The following MED13 variants were observed in gnomAD, a reference collection of about 807,000 sequenced individuals.
MED13 encodes the protein mediator of RNA polymerase II transcription subunit 13.
Under a neutral mutation model 225.2 loss-of-function variants are expected in MED13, and 23 were observed. The ratio of observed to expected loss-of-function variants is 0.10; its 90% CI spans 0.07 to 0.14. The LOEUF is 0.14. Among genes scored for constraint, MED13 ranks in the 10% least tolerant of loss-of-function variants. The pLI, the probability that MED13 is intolerant of heterozygous loss-of-function variation, is 1.00. For missense variants in MED13, 2,197 were observed against 2,594.5 expected, an observed-to-expected ratio of 0.85 and a Z score of 3.33; for synonymous variants, 942 against 889.2, an observed-to-expected ratio of 1.06 and a Z score of -1.06.
intron 17 of MED13, among the ~76,000 whole-genome samples, chr17:61,972,148 A>G (rs1055725592): frequency 6.6e-6 from 1 of 152,190 alleles, no homozygotes; most frequent in African/African-American, 2.4e-5. Flanking sequence ...CATTCCAAAT[A>G]TATCTGAAAA....
chr17:61,960,939 A>G lies in MED13; in HGVS notation c.5408T>C (p.Ile1803Thr). The G allele has an allele frequency of 6.2e-7, 1 of 1,613,910 alleles. No homozygotes were observed. The highest frequency in any genetic ancestry group is 8.5e-7 in the Non-Finnish European group (1 of 1,179,944). The change falls in exon 23 of 30, where the codon ATT becomes ACT. Residue 1803 changes from isoleucine to threonine, a missense_variant. By Grantham distance (89) the Ile-to-Thr change is moderately conservative. Around this residue, in one of 12 missense-constraint regions of MED13, gnomAD observed 78 missense variants for 82.1 expected, o/e 0.95. Transcript: ENST00000397786. The part of the protein sequence containing the change: ...GYCLSHDQRW[I>T]LASCTDLYGE... ...ATATAGATCTGTGCAAGATGCAAGA[A>G]TCCACCTTTGATCATGTGATAAACA... is the stretch of plus-strand genomic sequence containing the variant.
chr17:61,959,945 C>T (rs760052504), intron 23 of MED13, among the ~76,000 whole-genome samples: 7 of 151,838 alleles, frequency 4.6e-5, no homozygotes, highest in Non-Finnish European at 1.0e-4. Flanking sequence ...AGGCTGGTCT[C>T]GAACTCCTGG....
intron 8 of MED13, among the ~76,000 whole-genome samples, chr17:62,016,171 A>C (rs987624389): frequency 5.1e-4 from 74 of 144,108 alleles, no homozygotes; most frequent in African/African-American, 1.9e-3. Flanking sequence ...AAAACCAAGA[A>C]CAACAACAAA....
intron 14 of MED13, 26 bp from the exon 15 acceptor site, chr17:61,984,393 C>A: frequency 6.8e-7 from 1 of 1,478,356 alleles, no homozygotes; most frequent in South Asian, 1.4e-5. Flanking sequence ...GGTAGGTTTT[C>A]AGTATCTTAT....
At position 61,964,313 on chromosome 17, in the gene MED13, C is replaced by G. The variant is rs183843424; in HGVS notation, c.4844+693G>C. Among the ~76,000 whole-genome samples, 140 of 152,324 alleles carry G rather than the reference C, an allele frequency of 9.2e-4. 1 individual carries two copies. The highest frequency in any genetic ancestry group is 1.6e-3 in the Non-Finnish European group (107 of 68,022). On this transcript the variant is annotated intron_variant, in intron 20 of 29. Transcript: ENST00000397786. ...CTAGGCCGGGTGCGATAGCTCATGCCTGTAATCCCAGCACTTTGGGAGGCT... is the reference window on the plus strand; with the variant it reads ...CTAGGCCGGGTGCGATAGCTCATGCGTGTAATCCCAGCACTTTGGGAGGCT...
intron 8 of MED13, among the ~76,000 whole-genome samples, chr17:62,018,858 G>T (rs938600223): frequency 1.3e-5 from 2 of 152,160 alleles, no homozygotes; most frequent in Non-Finnish European, 2.9e-5. Flanking sequence ...ATTTAGAGAT[G>T]AGTATATATA....
rs757381590 is a variant in MED13 at position 61,946,871 on chromosome 17, C to A, written c.6392+46G>T. 20 of 1,481,250 alleles carry A rather than the reference C, an allele frequency of 1.4e-5. No homozygotes were observed. In the African/African-American group the frequency reaches 1.8e-4, roughly 13 times the overall value. 91.8% of individuals were successfully genotyped at this position (1,481,250 alleles called of 1,614,324 possible). ...AATATATAAGAATCAACATTATATT[C>A]TTTTAAAGTTGCAGTGACAAACTGT... On this transcript the variant is annotated intron_variant, in intron 29 of 29. Transcript: ENST00000397786.
At chr17:62,056,567 A>C (rs1401111117) in intron 2 of MED13, among the ~76,000 whole-genome samples, 1 of 151,828 alleles carries the variant, frequency 6.6e-6, no homozygotes, top group Non-Finnish European at 1.5e-5. Flanking sequence ...GTTCAAGACT[A>C]GCCTGGCAAT....
intron 5 of MED13, 115 bp downstream of exon 5, chr17:62,033,672 A>T: frequency 1.0e-6 from 1 of 962,914 alleles, no homozygotes; most frequent in Non-Finnish European, 1.5e-6. Flanking sequence ...ATTAAGGAAT[A>T]AATCTTTGGT....
In MED13 at chr17:62,035,490, C is replaced by A; in HGVS notation, c.589G>T (p.Ala197Ser). Residue 197 changes from alanine (A) to serine (S), a missense_variant, in exon 4 of 30, where the codon GCT (alanine) becomes TCT (serine). Physicochemically the swap from Ala to Ser is moderately conservative, Grantham distance 99. This residue lies in a region of MED13 where 884 missense variants were observed against 918.5 expected (regional missense o/e 0.96). Transcript: ENST00000397786. ...YLLSEEHITL[A>S]QQSNSPFQVI... ...TGAAATGGGCTATTAGACTGTTGAG[C>A]AAGGGTGATATGCTCTTCACTGAGA... 1 of 1,612,140 alleles carries A rather than the reference C, an allele frequency of 6.2e-7. No homozygotes were observed. The highest frequency in any genetic ancestry group is 8.5e-7 in the Non-Finnish European group (1 of 1,178,964).
chr17:61,948,610 G>C (rs1302516340), intron 28 of MED13, among the ~76,000 whole-genome samples: 5 of 151,778 alleles, frequency 3.3e-5, no homozygotes, highest in Admixed American at 1.3e-4. Flanking sequence ...AGAATCCTTT[G>C]TTTTGTGGAG....
chr17:62,035,135 AAAAC>A (rs1284239969), intron 4 of MED13, among the ~76,000 whole-genome samples: 4 of 152,076 alleles, frequency 2.6e-5, no homozygotes, highest in Admixed American at 2.0e-4. Flanking sequence ...AACAAAAACA[AAAAC>A]AAACAAACAA....
intron 27 of MED13, among the ~76,000 whole-genome samples, chr17:61,952,365 C>T (rs926300798): frequency 1.3e-5 from 2 of 151,876 alleles, no homozygotes; most frequent in East Asian, 3.9e-4. Flanking sequence ...TATTATATTC[C>T]TTGTCACAGC....
chr17:61,996,421 G>C (rs533948362), intron 9 of MED13, among the ~76,000 whole-genome samples: 223 of 152,174 alleles, frequency 1.5e-3, no homozygotes, highest in African/African-American at 5.2e-3. Context: ...ATTTCACTCT[G>C]AGAAAAAAAC....
intron 2 of MED13, among the ~76,000 whole-genome samples, chr17:62,055,878 C>CA (rs1239678206): frequency 6.6e-6 from 1 of 152,058 alleles, no homozygotes; most frequent in African/African-American, 2.4e-5. Context: ...AATCTTGAAG[C>CA]ATTTCTCCCT....
At chr17:61,972,671 A>T in intron 17 of MED13, 56 bp downstream of exon 17, 1 of 1,437,430 alleles carries the variant, frequency 7.0e-7, no homozygotes, top group Non-Finnish European at 9.4e-7. Flanking sequence ...AGTTGGGCAC[A>T]GAAATCTGAG....
intron 8 of MED13, among the ~76,000 whole-genome samples, chr17:62,025,920 C>A (rs2080697027): frequency 6.6e-6 from 1 of 152,140 alleles, no homozygotes; most frequent in Non-Finnish European, 1.5e-5. Flanking sequence ...ATCCAAAGAG[C>A]CTCCATAAGA....
intron 12 of MED13, among the ~76,000 whole-genome samples, chr17:61,985,930 C>T (rs916174826): frequency 6.6e-6 from 1 of 152,140 alleles, no homozygotes; most frequent in African/African-American, 2.4e-5. Flanking sequence ...AATGACAAAG[C>T]AATAGAGTTC....
intron 22 of MED13, 122 bp from the exon 23 acceptor site, chr17:61,961,212 T>C (rs2079996214): frequency 1.1e-6 from 1 of 897,582 alleles, no homozygotes; most frequent in Non-Finnish European, 1.7e-6. Flanking sequence ...AAGCCAAAAA[T>C]TGCACTTAGT....
Sources: allele counts gnomAD v4.1 joint callset (sites outside exome capture counted in the v4.1 genomes callset), GRCh38; gene constraint gnomAD v4.1.1; regional missense constraint gnomAD v4.1.1; transcripts MANE v1.5; gene names NCBI Gene and HGNC (gene_info 2026-07-23, HGNC 2026-07-21).